The following HFM1 variants were observed in gnomAD, a reference collection of about 807,000 sequenced individuals.
HFM1 encodes the protein probable ATP-dependent DNA helicase HFM1.
A neutral mutation model predicts 192.1 loss-of-function variants in HFM1; 169 were observed. The observed-to-expected ratio is 0.88, with a 90% CI of 0.78 to 1.00. The LOEUF (loss-of-function observed/expected upper bound fraction) is 1.00. Ranked by LOEUF, HFM1 falls within the 50% of genes least tolerant of loss-of-function variation. The pLI is 0.00. For synonymous variants in HFM1, 525 were observed against 537.8 expected (o/e 0.98, Z 0.33); for missense variants, 1,661 against 1,668.0 (o/e 1.00, Z 0.07).
chr1:91,328,024 T>C (rs1027573082), intron 20 of HFM1, among the ~76,000 whole-genome samples: 18 of 150,910 alleles, frequency 1.2e-4, no homozygotes, highest in African/African-American at 4.4e-4. Context: ...AGAAGAAAAA[T>C]GTCAAATAAA....
chr1:91,378,508 G>C (rs960774066), intron 9 of HFM1, 28 bp from the exon 10 acceptor site: 34 of 1,296,410 alleles, frequency 2.6e-5, no homozygotes, highest in Non-Finnish European at 3.2e-5. Context: ...CATACAAGTA[G>C]TTTAATGTGA....
At chr1:91,349,916 G>T (rs1452455180) in intron 18 of HFM1, among the ~76,000 whole-genome samples, 1 of 152,124 alleles carries the variant, frequency 6.6e-6, no homozygotes, top group Admixed American at 6.6e-5. Context: ...ACTTTTATAT[G>T]CAAGAATTAT....
intron 23 of HFM1, among the ~76,000 whole-genome samples, chr1:91,322,710 T>C (rs1164467815): frequency 1.3e-5 from 2 of 152,198 alleles, no homozygotes; most frequent in Non-Finnish European, 2.9e-5. Flanking sequence ...ATGAGAAGCA[T>C]AAGAAGCATG....
intron 13 of HFM1, among the ~76,000 whole-genome samples, chr1:91,358,216 G>A (rs555573681): frequency 1.8e-4 from 27 of 152,054 alleles, no homozygotes; most frequent in African/African-American, 5.3e-4. Flanking sequence ...CCTGGGAGGC[G>A]GACCTTGCAG....
intron 30 of HFM1, among the ~76,000 whole-genome samples, chr1:91,292,615 T>C (rs898729678): frequency 4.6e-5 from 7 of 151,834 alleles, no homozygotes; most frequent in African/African-American, 1.7e-4. Context: ...ATCATGAAAA[T>C]GGCCATACTG....
chr1:91,294,715 T>C (rs1647263231), intron 30 of HFM1, among the ~76,000 whole-genome samples: 1 of 152,208 alleles, frequency 6.6e-6, no homozygotes, highest in African/African-American at 2.4e-5. Flanking sequence ...TTGTATTGGG[T>C]CAATATACCA....
At chr1:91,381,120 G>A (rs1236861196) in intron 6 of HFM1, 138 bp from the exon 7 acceptor site, 1 of 565,458 alleles carries the variant, frequency 1.8e-6, no homozygotes, top group Non-Finnish European at 3.2e-6. Context: ...GGCATCTTAG[G>A]AAAAGAATTA....
chr1:91,344,431 C>T (rs1019542710), intron 19 of HFM1, among the ~76,000 whole-genome samples: 34 of 152,252 alleles, frequency 2.2e-4, no homozygotes, highest in African/African-American at 7.5e-4. Flanking sequence ...CTTAATTACC[C>T]ACTATTAAAT....
chr1:91,390,370 A>G (rs1662796508), intron 4 of HFM1, among the ~76,000 whole-genome samples: 1 of 150,044 alleles, frequency 6.7e-6, no homozygotes, highest in South Asian at 2.2e-4. Context: ...TGGGAGGCAG[A>G]GGCTGTAGCG....
intron 18 of HFM1, among the ~76,000 whole-genome samples, chr1:91,349,926 T>C (rs1219071062): frequency 1.3e-5 from 2 of 152,112 alleles, no homozygotes; most frequent in Non-Finnish European, 2.9e-5. Context: ...GCAAGAATTA[T>C]ACAAAAAAGA....
intron 30 of HFM1, among the ~76,000 whole-genome samples, chr1:91,296,421 T>C (rs1284072236): frequency 2.0e-5 from 3 of 152,154 alleles, no homozygotes; most frequent in Non-Finnish European, 2.9e-5. Flanking sequence ...TTATCTACTG[T>C]TTAATAACAG....
chr1:91,403,703 T>C (rs1664549432), intron 1 of HFM1, among the ~76,000 whole-genome samples: 1 of 152,210 alleles, frequency 6.6e-6, no homozygotes. Flanking sequence ...TGCTCTGCTA[T>C]AATCACTGTT....
chr1:91,351,476 T>A, intron 17 of HFM1, 73 bp downstream of exon 17: 1 of 814,718 alleles, frequency 1.2e-6, no homozygotes, highest in Non-Finnish European at 1.9e-6. Flanking sequence ...CAAATTTCCC[T>A]TTGATATTTT....
intron 34 of HFM1, among the ~76,000 whole-genome samples, chr1:91,268,107 A>G (rs528360003): frequency 4.6e-5 from 7 of 152,056 alleles, no homozygotes; most frequent in Non-Finnish European, 1.0e-4. Flanking sequence ...TAGTTTTCAA[A>G]GGCATTGTGT....
chr1:91,384,687 G>A (rs1661958657), intron 6 of HFM1, among the ~76,000 whole-genome samples: 1 of 151,470 alleles, frequency 6.6e-6, no homozygotes, highest in Admixed American at 6.6e-5. Flanking sequence ...ATAACAAACA[G>A]GTCACAAATC....
chr1:91,273,277 A>G (rs2100749798), intron 34 of HFM1, among the ~76,000 whole-genome samples: 1 of 152,206 alleles, frequency 6.6e-6, no homozygotes, highest in Admixed American at 6.5e-5. Context: ...CCTTCATCTT[A>G]AAGATAAGAC....
rs368421765 is a variant in HFM1 at position 91,283,414 on chromosome 1, T to C, written c.3392-6352A>G. 3.9e-5 allele frequency among the ~76,000 whole-genome samples: 6 copies of C among 152,034 alleles called. No individual in the cohort carries two copies. In the East Asian group the frequency reaches 7.7e-4, roughly 20 times the overall value. On this transcript the variant is annotated intron_variant, in intron 30 of 38. Transcript: ENST00000370425. The stretch of plus-strand genomic sequence containing the variant: ...ATGCACCACCACACCCAGCTAATTT[T>C]TGTATTTTTTGTAGAGACAGGGTTT...
chr1:91,319,838 A>G (rs749593537), intron 23 of HFM1, among the ~76,000 whole-genome samples: 16 of 152,222 alleles, frequency 1.1e-4, no homozygotes, highest in South Asian at 2.1e-4. Flanking sequence ...TGTTTAATCA[A>G]CACATTTTTA....
chr1:91,368,179 T>C (rs926645336), intron 13 of HFM1, among the ~76,000 whole-genome samples: 3 of 152,146 alleles, frequency 2.0e-5, no homozygotes, highest in Non-Finnish European at 2.9e-5. Context: ...CTCTGCAGGA[T>C]ATTATCCAGG....
Sources: gnomAD v4.1 joint callset for allele counts (sites outside exome capture counted in the v4.1 genomes callset) on GRCh38, gnomAD v4.1.1 for gene constraint, MANE v1.5 for transcripts, NCBI Gene and HGNC (gene_info 2026-07-23, HGNC 2026-07-21) for gene names.